HSPG2: variants seen among roughly 807,000 people sequenced by gnomAD.
HSPG2 encodes the protein basement membrane-specific heparan sulfate proteoglycan core protein.
In HSPG2, 278 loss-of-function variants were observed where a neutral mutation model predicts 526.6. The observed-to-expected ratio is 0.53, with a 90% confidence interval of 0.48 to 0.58. The LOEUF is 0.58. Ranked by LOEUF, HSPG2 falls within the 20% of genes least tolerant of loss-of-function variation. The pLI is 0.00. For synonymous variants in HSPG2, 2,465 were observed against 2,555.4 expected, an observed-to-expected ratio of 0.96 and a Z score of 1.07; for missense variants, 5,354 against 6,099.5, an observed-to-expected ratio of 0.88 and a Z score of 4.07.
In HSPG2 at chr1:21,878,970, C is replaced by G. The variant is rs751062539; in HGVS notation, c.2471+24G>C. 2.5e-6 allele frequency: 4 copies of G among 1,610,262 alleles called. 1 individual carries two copies. In the South Asian group the frequency reaches 4.4e-5, roughly 18 times the overall value. On this transcript the variant is annotated intron_variant, in intron 18 of 96. Coordinates refer to ENST00000374695, the MANE Select transcript of HSPG2 (RefSeq NM_005529.7). ...GTTGCACTGTCCCCAGCCAAACCCC[C>G]CCTGACCCGGAGCTGGGGCTGACCT...
chr1:21,878,373 G>A, intron 20 of HSPG2, 60 bp downstream of exon 20: 1 of 1,580,644 alleles, frequency 6.3e-7, no homozygotes, highest in South Asian at 1.1e-5. Context: ...AGGGTGCCTG[G>A]TGTGCAGCCC....
chr1:21,878,934 T>G, intron 18 of HSPG2, 60 bp downstream of exon 18: 1 of 1,579,578 alleles, frequency 6.3e-7, no homozygotes, highest in Non-Finnish European at 8.6e-7. Flanking sequence ...GCCCAGAATA[T>G]TCTCTGGCCT....
chr1:21,909,190 A>T (rs1643535599), intron 1 of HSPG2, among the ~76,000 whole-genome samples: 1 of 152,194 alleles, frequency 6.6e-6, no homozygotes, highest in Non-Finnish European at 1.5e-5. Flanking sequence ...GGTCATCATC[A>T]CCATCATCCT....
rs143669458 is a variant in HSPG2 at position 21,880,484 on chromosome 1, C to T, written c.2074G>A (p.Val692Met). 6,022 of 1,613,754 alleles carry T rather than the reference C, an allele frequency of 3.7e-3. 13 individuals are homozygous for T. The highest frequency in any genetic ancestry group is 4.3e-3 in the Non-Finnish European group (5,057 of 1,179,952). The stretch of plus-strand genomic sequence containing the variant: ...GTGTTGTACACGGTCTGGATGAGCA[C>T]GGCCTCCAGGCTCTGCAGCACCTGC... Reference protein sequence around the residue: ...LLQVLQSLEAVLIQTVYNTKM... With the variant: ...LLQVLQSLEAMLIQTVYNTKM... Residue 692 changes from valine (V) to methionine (M), a missense_variant, in exon 16 of 97, where the codon GTG becomes ATG. Coordinates refer to ENST00000374695, the MANE Select transcript of HSPG2 (RefSeq NM_005529.7).
At position 21,890,370 on chromosome 1, in the gene HSPG2, C is replaced by T; in HGVS notation, c.413+57G>A. ...CAGGCTTCCTTCCCATCCTCATCAG[C>T]CCCCTCCAGGTTACCCGCTCAAGTC... On this transcript the variant is annotated intron_variant, in intron 5 of 96. Coordinates refer to ENST00000374695, the MANE Select transcript of HSPG2 (RefSeq NM_005529.7). The surrounding 1 kb of genome is among the most constrained non-coding windows in gnomAD (Gnocchi z 4.1). 6.5e-7 allele frequency: 1 copy of T among 1,539,624 alleles called. No individual in the cohort carries two copies.
chr1:21,866,805 C>T (rs1175302114), intron 33 of HSPG2, among the ~76,000 whole-genome samples: 1 of 152,280 alleles, frequency 6.6e-6, no homozygotes, highest in South Asian at 2.1e-4. Flanking sequence ...CCTCTTTGTT[C>T]ATTTGTGTGT....
In HSPG2 at chr1:21,937,289, T is replaced by A; in HGVS notation, c.-72A>T. ...CTCCGCGCCGCCCGCAGCCGCCCGC[T>A]CGCCGGCCAGCTCGGGACAGCGCGG... On this transcript the variant is annotated 5_prime_UTR_variant, in exon 1 of 97. Transcript: ENST00000374695. 2.1e-6 allele frequency: 1 copy of A among 469,964 alleles called. No homozygotes were observed. The highest frequency in any genetic ancestry group is 2.6e-6 in the Non-Finnish European group (1 of 384,832). 29.1% of individuals were successfully genotyped at this position (469,964 alleles called of 1,614,324 possible).
At chr1:21,833,706 T>G in intron 78 of HSPG2, 92 bp from the exon 79 acceptor site, 1 of 1,584,686 alleles carries the variant, frequency 6.3e-7, no homozygotes, top group Non-Finnish European at 8.6e-7. Flanking sequence ...CTTCCAACAT[T>G]GAGCGTTTGC....
rs138320589 is a variant in HSPG2 at position 21,881,554 on chromosome 1, C to T, written c.1655-52G>A. On this transcript the variant is annotated intron_variant, in intron 13 of 96. Coordinates refer to ENST00000374695, the MANE Select transcript of HSPG2 (RefSeq NM_005529.7). ...GGCTGCAGCCTGGGCCTGCCTGATA[C>T]ACCCATCTTGAGGGGCAGCAATCCA... 1,052 of 1,507,792 alleles carry T rather than the reference C, an allele frequency of 7.0e-4. 6 individuals are homozygous for T. In the African/African-American group the frequency reaches 0.013, roughly 19 times the overall value. The allele number at this position is 1,507,792 out of a possible 1,614,324, so 93.4% of individuals were successfully genotyped here.
Position 21,859,349 on chromosome 1 carries a change from C to T in HSPG2, c.5293+217G>A, listed in dbSNP as rs1639592919. On this transcript the variant is annotated intron_variant, in intron 42 of 96. Transcript: ENST00000374695. This position sits in a 1 kb window ranked among gnomAD's most constrained non-coding sequence, Gnocchi z 5.3. ...GACGTGACCCACCGTGCCCGGCCCA[C>T]CCTTTTCTTTTGCCCTCACCGACCA... 6.6e-6 allele frequency among the ~76,000 whole-genome samples: 1 copy of T among 152,116 alleles called. No homozygotes were observed. The highest frequency in any genetic ancestry group is 2.1e-4 in the South Asian group (1 of 4,824).
chr1:21,862,164 A>G (rs1179671996), intron 37 of HSPG2, 49 bp from the exon 38 acceptor site: 3 of 1,604,222 alleles, frequency 1.9e-6, no homozygotes, highest in South Asian at 2.2e-5. Flanking sequence ...CAAATTTACC[A>G]GAAGCCTTTC....
chr1:21,831,855 TA>T, intron 81 of HSPG2, 59 bp from the exon 82 acceptor site: 1 of 1,532,606 alleles, frequency 6.5e-7, no homozygotes, highest in South Asian at 1.3e-5. Context: ...TAAGAAGGGC[TA>T]GGGGCCCAGT....
Position 21,833,486 on chromosome 1 carries a change from A to G in HSPG2, c.10959T>C (p.Phe3653=). The G allele has an allele frequency of 6.2e-7, 1 of 1,614,190 alleles. No homozygotes were observed. Among genetic ancestry groups the G allele is most frequent in the Non-Finnish European group, 8.5e-7 (1 of 1,180,026 alleles). The change falls in exon 79 of 97, where the codon TTT becomes TTC. Residue 3653 remains phenylalanine (F), a synonymous_variant. Transcript: ENST00000374695. ...ATNRQGKVKA[F]AHLQVPERVV... ...TCTTACCTGGCACCTGCAGGTGGGCAAAGGCTTTGACCTTGCCCTGGCGGT... is the reference window on the plus strand; with the variant it reads ...TCTTACCTGGCACCTGCAGGTGGGCGAAGGCTTTGACCTTGCCCTGGCGGT...
At chr1:21,852,894 A>G in intron 51 of HSPG2, 25 bp downstream of exon 51, 1 of 1,612,022 alleles carries the variant, frequency 6.2e-7, no homozygotes, top group Non-Finnish European at 8.5e-7. Flanking sequence ...CCCTCCAGCA[A>G]GGTGGTCCCG....
At position 21,896,229 on chromosome 1, in the gene HSPG2, T is replaced by C. The variant is rs532110530; in HGVS notation, c.145A>G (p.Thr49Ala). ...ETVTASQMRW[T>A]HSYLSDDEDM... ...TCATCATCAGAAAGGTACGAATGTG[T>C]CCAGCGCATTTGGCTTGCTGTGACG... Residue 49 changes from threonine (T) to alanine (A), a missense_variant, in exon 2 of 97, where the codon ACA becomes GCA. Transcript: ENST00000374695. 3.2e-5 allele frequency: 51 copies of C among 1,614,036 alleles called. No individual in the cohort carries two copies. The East Asian group carries it at 1.1e-3, about 35-fold the overall frequency.
rs1333637541 is a variant in HSPG2 at position 21,919,143 on chromosome 1, G to A, written c.63+18012C>T. Among the ~76,000 whole-genome samples, 45 of 152,174 alleles carry A rather than the reference G, an allele frequency of 3.0e-4. 1 individual carries two copies. Among genetic ancestry groups the A allele is most frequent in the Admixed American group, 2.9e-3 (45 of 15,278 alleles). ...AAGAGAGTCTGATTAAGTCTCAAAG[G>A]GGCTGGGCGCAGTGGCTCAGGCCTG... On this transcript the variant is annotated intron_variant, in intron 1 of 96. Coordinates refer to ENST00000374695, the MANE Select transcript of HSPG2 (RefSeq NM_005529.7).
rs895007597 is a variant in HSPG2, at chr1:21,853,955, G to A, written c.6439+238C>T. ...GACTCCCAGCTTAGTATTCAACCTG[G>A]ACATTCTGCTGCTTCCTGACAAATT... is the stretch of plus-strand genomic sequence containing the variant. On this transcript the variant is annotated intron_variant, in intron 50 of 96. Transcript: ENST00000374695. The A allele has an allele frequency of 1.9e-5, 10 of 534,544 alleles. No homozygotes were observed. The Admixed American group carries it at 1.9e-4, about 10-fold the overall frequency. 33.1% of individuals were successfully genotyped at this position (534,544 alleles called of 1,614,324 possible). A position where few individuals can be genotyped will look rare whatever the true frequency, so the allele number is the denominator to read the frequency against.
Position 21,872,776 on chromosome 1 carries a change from G to GGATGA in HSPG2, c.3889-17_3889-16insTCATC. On this transcript the variant is annotated splice_polypyrimidine_tract_variant and intron_variant, in intron 31 of 96. Transcript: ENST00000374695. The surrounding 1 kb of genome is among the most constrained non-coding windows in gnomAD (Gnocchi z 5.5). ...CCACCTGGGCCTGGGTAGACGGATGGAAGGAGGCAGGCAGGGGACTCAGTG... is the reference window on the plus strand; with the variant it reads ...CCACCTGGGCCTGGGTAGACGGATGGGATGAAAGGAGGCAGGCAGGGGACTCAGTG... The GGATGA allele has an allele frequency of 1.2e-6, 2 of 1,606,276 alleles. No homozygotes were observed. The highest frequency in any genetic ancestry group is 1.7e-6 in the Non-Finnish European group (2 of 1,177,288).
At chr1:21,918,499 A>C (rs1307323152) in intron 1 of HSPG2, among the ~76,000 whole-genome samples, 4 of 151,970 alleles carry the variant, frequency 2.6e-5, no homozygotes, top group African/African-American at 9.7e-5. Flanking sequence ...TGGGACAATA[A>C]TAGTACCTGC....
Sources: allele counts gnomAD v4.1 joint callset (sites outside exome capture counted in the v4.1 genomes callset), GRCh38; gene constraint gnomAD v4.1.1; non-coding constraint Gnocchi (gnomAD v3.1); transcripts MANE v1.5; gene names NCBI Gene and HGNC (gene_info 2026-07-23, HGNC 2026-07-21).